WRN: variants seen among roughly 807,000 people sequenced by gnomAD.
The protein encoded by WRN is bifunctional 3'-5' exonuclease/ATP-dependent helicase WRN.
Under a neutral mutation model 180.7 loss-of-function variants are expected in WRN, and 149 were observed. The observed-to-expected ratio is 0.82, with a 90% confidence interval of 0.72 to 0.94. The LOEUF (loss-of-function observed/expected upper bound fraction) is 0.94. WRN is among the 40% of genes least tolerant of loss of function. The pLI, the probability that WRN is intolerant of heterozygous loss-of-function variation, is 0.00. For synonymous variants in WRN, 548 were observed against 568.9 expected (o/e 0.96, Z 0.52); for missense variants, 1,661 against 1,700.1 (o/e 0.98, Z 0.40).
At chr8:31,101,075 A>C in intron 18 of WRN, 120 bp downstream of exon 18, 1 of 811,566 alleles carries the variant, frequency 1.2e-6, no homozygotes, top group Non-Finnish European at 2.0e-6. Flanking sequence ...ATAATGTAAA[A>C]AGAGAACTAT....
chr8:31,083,672 A>G (rs754405871), intron 9 of WRN, 27 bp from the exon 10 acceptor site: 1 of 1,588,192 alleles, frequency 6.3e-7, no homozygotes, highest in Admixed American at 1.7e-5. Flanking sequence ...TTATATTGGA[A>G]ATTAATGCTT....
chr8:31,087,614 A>G (rs1411553821), intron 11 of WRN, 162 bp from the exon 12 acceptor site: 29 of 651,630 alleles, frequency 4.5e-5, no homozygotes, highest in East Asian at 2.8e-5. Context: ...TCATGAGCAC[A>G]TATTTAAACC....
At chr8:31,082,269 G>A (rs1417386799) in intron 9 of WRN, among the ~76,000 whole-genome samples, 2 of 151,794 alleles carry the variant, frequency 1.3e-5, no homozygotes, top group Admixed American at 6.6e-5. Context: ...TTTATTTCAC[G>A]ATAAATAAGT....
At chr8:31,104,972 C>T (rs1801037470) in intron 18 of WRN, among the ~76,000 whole-genome samples, 1 of 152,150 alleles carries the variant, frequency 6.6e-6, no homozygotes, top group Non-Finnish European at 1.5e-5. Context: ...GTTTGTTATT[C>T]TTTTGGTAGG....
In WRN at chr8:31,166,947, G is replaced by C. The variant is rs139633673; in HGVS notation, c.3983-75G>C. 2.1e-5 allele frequency: 29 copies of C among 1,400,494 alleles called. 1 individual carries two copies. In the East Asian group the frequency reaches 7.0e-4, roughly 34 times the overall value. The allele number at this position is 1,400,494 out of a possible 1,614,324, so 86.8% of individuals were successfully genotyped here. A position where few individuals can be genotyped will look rare whatever the true frequency, so the allele number is the denominator to read the frequency against. ...ACCTTCCTTTCTACAGAATATTTCA[G>C]TATTTCTAGCTCATAGGTTTTCTAA... On this transcript the variant is annotated intron_variant, in intron 33 of 34. Transcript: ENST00000298139.
At chr8:31,107,605 G>A (rs1392250046) in intron 18 of WRN, among the ~76,000 whole-genome samples, 1 of 152,148 alleles carries the variant, frequency 6.6e-6, no homozygotes, top group African/African-American at 2.4e-5. Flanking sequence ...GGTTATAGTA[G>A]TATCATTTTT....
chr8:31,119,188 T>C (rs1221169714), intron 20 of WRN, among the ~76,000 whole-genome samples: 2 of 151,822 alleles, frequency 1.3e-5, no homozygotes, highest in African/African-American at 4.8e-5. Context: ...TTTTCTTCTT[T>C]CCTTCTTTTC....
At chr8:31,068,209 A>G (rs1160207609) in intron 6 of WRN, 49 bp from the exon 7 acceptor site, 1 of 1,391,098 alleles carries the variant, frequency 7.2e-7, no homozygotes, top group Admixed American at 1.9e-5. Context: ...TTACTGTTTT[A>G]TTTCGGTGAT....
intron 11 of WRN, among the ~76,000 whole-genome samples, chr8:31,085,927 A>T (rs1054903188): frequency 2.0e-5 from 3 of 151,888 alleles, no homozygotes; most frequent in African/African-American, 4.8e-5. Flanking sequence ...AATCATCTTT[A>T]CTTTCTTTGG....
chr8:31,067,410 A>G (rs1812754992), intron 6 of WRN, among the ~76,000 whole-genome samples: 2 of 152,208 alleles, frequency 1.3e-5, no homozygotes, highest in African/African-American at 4.8e-5. Flanking sequence ...TTTCATTGTC[A>G]TGAAGCCAAA....
intron 20 of WRN, among the ~76,000 whole-genome samples, chr8:31,119,728 C>T (rs1486203770): frequency 6.6e-6 from 1 of 151,662 alleles, no homozygotes; most frequent in East Asian, 1.9e-4. Context: ...ACTAATTCTT[C>T]CCTAAAATTT....
At chr8:31,096,931 A>G in intron 17 of WRN, 81 bp downstream of exon 17, 2 of 1,304,496 alleles carry the variant, frequency 1.5e-6, no homozygotes, top group East Asian at 2.3e-5. Context: ...ACTGGATTTC[A>G]CTTCTGTTAA....
At chr8:31,124,768 T>C in intron 22 of WRN, 140 bp from the exon 23 acceptor site, 2 of 1,195,006 alleles carry the variant, frequency 1.7e-6, no homozygotes, top group Non-Finnish European at 2.4e-6. Context: ...GCTAACTTCT[T>C]TGTGTCTGAG....
At chr8:31,152,117 A>T (rs1258353219) in intron 31 of WRN, among the ~76,000 whole-genome samples, 1 of 152,176 alleles carries the variant, frequency 6.6e-6, no homozygotes, top group Admixed American at 6.5e-5. Flanking sequence ...AGGATATCCA[A>T]AATACTTGGC....
chr8:31,090,810 T>C (rs759779153), intron 14 of WRN, 24 bp from the exon 15 acceptor site: 21 of 1,555,026 alleles, frequency 1.4e-5, no homozygotes, highest in Middle Eastern at 1.7e-4. Flanking sequence ...TTTCATTTTA[T>C]TTTTATATTT....
intron 24 of WRN, among the ~76,000 whole-genome samples, chr8:31,134,132 A>C (rs947049341): frequency 1.3e-5 from 2 of 152,220 alleles, no homozygotes; most frequent in Non-Finnish European, 2.9e-5. Flanking sequence ...TGCAATGAAA[A>C]TAAGGCATTG....
chr8:31,099,596 C>T (rs1814134828), intron 17 of WRN, among the ~76,000 whole-genome samples: 1 of 149,162 alleles, frequency 6.7e-6, no homozygotes, highest in Admixed American at 6.7e-5. Context: ...TTCTTCTCCA[C>T]ACTCTCTTAG....
chr8:31,172,902 T>G, intron 34 of WRN, 93 bp from the exon 35 acceptor site: 2 of 1,018,448 alleles, frequency 2.0e-6, no homozygotes, highest in Non-Finnish European at 3.0e-6. Context: ...AAAGGATGGG[T>G]GTGTATTCAG....
At chr8:31,127,092 GAAAAT>G (rs1187610338) in intron 23 of WRN, among the ~76,000 whole-genome samples, 1 of 152,142 alleles carries the variant, frequency 6.6e-6, no homozygotes, top group East Asian at 1.9e-4. Flanking sequence ...AAAAATCTCT[GAAAAT>G]AAAATCCCCT....
Sources: allele counts gnomAD v4.1 joint callset (sites outside exome capture counted in the v4.1 genomes callset), GRCh38; gene constraint gnomAD v4.1.1; transcripts MANE v1.5; gene names NCBI Gene and HGNC (gene_info 2026-07-23, HGNC 2026-07-21).